USP47: variants seen among roughly 807,000 people sequenced by gnomAD.
USP47 encodes ubiquitin carboxyl-terminal hydrolase 47.
USP47 carries 35 observed loss-of-function variants against 165.1 expected under a neutral mutation model. The observed-to-expected ratio is 0.21, with a 90% CI of 0.16 to 0.28. The LOEUF is 0.28. Among genes scored for constraint, USP47 ranks in the 10% least tolerant of loss-of-function variants. The probability of loss-of-function intolerance (pLI) is 1.00; values close to 1 mark genes in which losing one functional copy is unlikely to be tolerated. For synonymous variants in USP47, 531 were observed against 544.5 expected (o/e 0.98, Z 0.35); for missense variants, 1,277 against 1,607.4 (o/e 0.79, Z 3.52).
At chr11:11,889,914 C>T (rs1029258737) in intron 3 of USP47, among the ~76,000 whole-genome samples, 6 of 152,048 alleles carry the variant, frequency 3.9e-5, no homozygotes, top group Non-Finnish European at 8.8e-5. Context: ...CATCTACAAC[C>T]GTCTGATCTT....
intron 2 of USP47, among the ~76,000 whole-genome samples, chr11:11,883,206 T>G (rs1590295580): frequency 6.6e-6 from 1 of 152,312 alleles, no homozygotes; most frequent in South Asian, 2.1e-4. Flanking sequence ...TAGCTTCAGG[T>G]TTTCTATGTC....
At chr11:11,879,501 G>C (rs142022412) in intron 1 of USP47, among the ~76,000 whole-genome samples, 1 of 152,134 alleles carries the variant, frequency 6.6e-6, no homozygotes, top group Non-Finnish European at 1.5e-5. Flanking sequence ...GAAAGTTTAA[G>C]CAGGAAGGAT....
intron 22 of USP47, 108 bp downstream of exon 22, chr11:11,948,666 A>C (rs113013586): frequency 9.3e-7 from 1 of 1,074,760 alleles, no homozygotes; most frequent in South Asian, 1.6e-5. Context: ...AAGGTCAGCA[A>C]ATTTTTTCTG....
At chr11:11,850,515 A>C (rs1295130018) in intron 1 of USP47, among the ~76,000 whole-genome samples, 1 of 141,370 alleles carries the variant, frequency 7.1e-6, no homozygotes, top group East Asian at 2.0e-4. Context: ...TTTCTTCCAA[A>C]TTTCCTTTTT....
chr11:11,850,090 A>T (rs1848640274), intron 1 of USP47, among the ~76,000 whole-genome samples: 1 of 152,004 alleles, frequency 6.6e-6, no homozygotes, highest in African/African-American at 2.4e-5. Flanking sequence ...TGTATTATGT[A>T]GTTATATGTC....
chr11:11,844,564 A>G (rs1034910493), intron 1 of USP47, among the ~76,000 whole-genome samples: 28 of 152,190 alleles, frequency 1.8e-4, no homozygotes, highest in African/African-American at 6.3e-4. Flanking sequence ...CTTTGCTACT[A>G]TTCCCTTGAT....
At chr11:11,890,319 A>G (rs186600293) in intron 3 of USP47, among the ~76,000 whole-genome samples, 4 of 152,346 alleles carry the variant, frequency 2.6e-5, no homozygotes, top group Non-Finnish European at 2.9e-5. Flanking sequence ...AAGGTCTAAT[A>G]TCCAGAATCT....
In USP47 at chr11:11,922,859, A is replaced by T. The variant is rs1285932936; in HGVS notation, c.1354A>T (p.Thr452Ser). ...EGICLETNSG[T>S]EKISKSGLEK... ...AATCTGTCTTGAAACCAATAGTGGAACTGAAAAGATCTCAAAATCTGGACT... is the reference window on the plus strand; with the variant it reads ...AATCTGTCTTGAAACCAATAGTGGATCTGAAAAGATCTCAAAATCTGGACT... Residue 452 changes from threonine to serine, a missense_variant, in exon 11 of 28, where the codon ACT (threonine) becomes TCT (serine). Around this residue, in one of 4 missense-constraint regions of USP47, gnomAD observed 909 missense variants for 1,068.1 expected, o/e 0.85. Coordinates refer to ENST00000527733, the MANE Select transcript of USP47 (RefSeq NM_001282659.2). The T allele has an allele frequency of 6.2e-7, 1 of 1,610,054 alleles. No individual in the cohort carries two copies. The highest frequency in any genetic ancestry group is 1.3e-5 in the African/African-American group (1 of 74,770).
intron 1 of USP47, among the ~76,000 whole-genome samples, chr11:11,879,881 A>G (rs1041040869): frequency 2.6e-5 from 4 of 152,060 alleles, no homozygotes; most frequent in South Asian, 2.1e-4. Flanking sequence ...TACTATCTTC[A>G]TGGCTTATTG....
chr11:11,850,038 G>A (rs1395588275), intron 1 of USP47, among the ~76,000 whole-genome samples: 2 of 151,732 alleles, frequency 1.3e-5, no homozygotes, highest in Admixed American at 6.5e-5. Flanking sequence ...TTCTCTTTGC[G>A]AGCTAGAGAG....
intron 3 of USP47, among the ~76,000 whole-genome samples, chr11:11,889,001 TC>T (rs1250823630): frequency 6.6e-6 from 1 of 152,064 alleles, no homozygotes; most frequent in Non-Finnish European, 1.5e-5. Flanking sequence ...AAATTCATTA[TC>T]CCTTCATGTT....
At chr11:11,945,702 C>T (rs1228884114) in intron 20 of USP47, among the ~76,000 whole-genome samples, 1 of 151,290 alleles carries the variant, frequency 6.6e-6, no homozygotes, top group African/African-American at 2.5e-5. Context: ...TTTGGGAGGC[C>T]GTGAGGGGAA....
intron 22 of USP47, among the ~76,000 whole-genome samples, 177 bp from the exon 23 acceptor site, chr11:11,949,712 C>A (rs1307085163): frequency 6.6e-6 from 1 of 152,036 alleles, no homozygotes; most frequent in Admixed American, 6.6e-5. Flanking sequence ...AGTAAACTTG[C>A]CCAAGATAGC....
At chr11:11,877,443 C>T (rs187758913) in intron 1 of USP47, among the ~76,000 whole-genome samples, 1 of 152,148 alleles carries the variant, frequency 6.6e-6, no homozygotes, top group East Asian at 1.9e-4. Flanking sequence ...TTAAATCATC[C>T]ACAACAGAAT....
chr11:11,930,179 GT>G, intron 13 of USP47, 59 bp downstream of exon 13: 2 of 1,461,574 alleles, frequency 1.4e-6, no homozygotes, highest in Non-Finnish European at 1.9e-6. Context: ...GCTTCTCAGT[GT>G]TTTTTTATCA....
chr11:11,927,966 A>G (rs1340862481), intron 11 of USP47, among the ~76,000 whole-genome samples: 1 of 152,076 alleles, frequency 6.6e-6, no homozygotes, highest in African/African-American at 2.4e-5. Context: ...GATATATACA[A>G]TTCTAATTTG....
chr11:11,931,899 TA>T (rs1463588484), intron 14 of USP47, among the ~76,000 whole-genome samples: 2 of 152,200 alleles, frequency 1.3e-5, no homozygotes, highest in African/African-American at 4.8e-5. Context: ...TGTGAGTCTA[TA>T]GTAATGATTT....
chr11:11,908,967 T>C (rs1590352914), intron 8 of USP47, among the ~76,000 whole-genome samples: 1 of 152,182 alleles, frequency 6.6e-6, no homozygotes, highest in South Asian at 2.1e-4. Context: ...GTGCATATTA[T>C]ATTTTAAATG....
intron 11 of USP47, among the ~76,000 whole-genome samples, chr11:11,926,540 A>G (rs1854259026): frequency 6.6e-6 from 1 of 150,882 alleles, no homozygotes; most frequent in South Asian, 2.1e-4. Context: ...TTCATTTCTG[A>G]TTTTTGTTAT....
Sources: allele counts gnomAD v4.1 joint callset (sites outside exome capture counted in the v4.1 genomes callset), GRCh38; gene constraint gnomAD v4.1.1; regional missense constraint gnomAD v4.1.1; transcripts MANE v1.5; gene names NCBI Gene and HGNC (gene_info 2026-07-23, HGNC 2026-07-21).